TMX4: variants seen among roughly 807,000 people sequenced by gnomAD.
TMX4 encodes thioredoxin related transmembrane protein 4.
TMX4 carries 23 observed loss-of-function variants against 33.3 expected under a neutral mutation model. The ratio of observed to expected loss-of-function variants is 0.69; its 90% CI spans 0.50 to 0.98. The LOEUF (loss-of-function observed/expected upper bound fraction) is 0.98. Among genes scored for constraint, TMX4 ranks in the 50% least tolerant of loss-of-function variants. The pLI is 0.00. For synonymous variants in TMX4, 164 were observed against 161.5 expected (o/e 1.02, Z -0.12); for missense variants, 399 against 448.9 (o/e 0.89, Z 1.01).
chr20:8,008,056 C>T (rs574444740), intron 2 of TMX4, among the ~76,000 whole-genome samples: 7 of 152,302 alleles, frequency 4.6e-5, no homozygotes, highest in African/African-American at 7.2e-5. Flanking sequence ...GTTGAATAAA[C>T]ACGTTACTTC....
chr20:7,977,937 T>C lies in TMX4; in HGVS notation c.*4314A>G, dbSNP rs967541281. On this transcript the variant is annotated 3_prime_UTR_variant, in exon 8 of 8. Coordinates refer to ENST00000246024, the MANE Select transcript of TMX4 (RefSeq NM_021156.4). ...GGGCTTTTCAACTGAAGTTCTTACT[T>C]CCAGAAAGCTGTTCAAAAAGCTGCC... is the stretch of plus-strand genomic sequence containing the variant. The C allele has an allele frequency of 6.6e-6, 1 of 152,174 alleles. No individual in the cohort carries two copies. The highest frequency in any genetic ancestry group is 2.4e-5 in the African/African-American group (1 of 41,434). The allele number at this position is 152,174 out of a possible 1,614,324, so 9.4% of individuals were successfully genotyped here. A position where few individuals can be genotyped will look rare whatever the true frequency, so the allele number is the denominator to read the frequency against.
chr20:8,000,469 C>T (rs528943825), intron 3 of TMX4, among the ~76,000 whole-genome samples: 49 of 152,272 alleles, frequency 3.2e-4, no homozygotes, highest in African/African-American at 1.1e-3. Context: ...GTATCCATTT[C>T]TGTTTCCTTC....
At position 7,978,025 on chromosome 20, in the gene TMX4, TC is replaced by T. The variant is rs2050587829; in HGVS notation, c.*4225del. 3 of 152,124 alleles carry T rather than the reference TC, an allele frequency of 2.0e-5. No homozygotes were observed. In the East Asian group the frequency reaches 5.8e-4, roughly 29 times the overall value. 9.4% of individuals were successfully genotyped at this position (152,124 alleles called of 1,614,324 possible). ...CTTTTTAAGACAAGCTAAAATCTCC[TC>T]CAGAGAATCAAAATGTAGGACTGAG... On this transcript the variant is annotated 3_prime_UTR_variant, in exon 8 of 8. Transcript: ENST00000246024.
rs188240253 is a variant in TMX4 at position 8,005,493 on chromosome 20, G to A, written c.293-3952C>T. 2.5e-3 allele frequency among the ~76,000 whole-genome samples: 376 copies of A among 152,314 alleles called. 2 individuals carry two copies. Among genetic ancestry groups the A allele is most frequent in the African/African-American group, 8.2e-3 (343 of 41,576 alleles). On this transcript the variant is annotated intron_variant, in intron 2 of 7. Coordinates refer to ENST00000246024, the MANE Select transcript of TMX4 (RefSeq NM_021156.4). ...CTGGGAGGGGAAAGATGGGCCCCTG[G>A]AGAGGGCTCCACCCTCGGGGCTGTG...
At position 8,019,533 on chromosome 20, in the gene TMX4, G is replaced by A. The variant is rs762916638; in HGVS notation, c.81C>T (p.Pro27=). The A allele has an allele frequency of 6.7e-7, 1 of 1,482,110 alleles. No homozygotes were observed. Among genetic ancestry groups the A allele is most frequent in the South Asian group, 1.3e-5 (1 of 77,128 alleles). The allele number at this position is 1,482,110 out of a possible 1,614,324, so 91.8% of individuals were successfully genotyped here. ...WIAAVAATAG[P]EEAALPPEQS... ...GCTCCGGCGGCAGCGCGGCCTCCTC[G>A]GGGCCTGCCGTCGCCGCCACAGCCG... The change falls in exon 1 of 8, where the codon CCC becomes CCT. Residue 27 remains proline, a synonymous_variant. Coordinates refer to ENST00000246024, the MANE Select transcript of TMX4 (RefSeq NM_021156.4).
rs78018403 is a variant in TMX4, at chr20:7,998,349, A to G, written c.467+1383T>C. Among the ~76,000 whole-genome samples, 65 of 152,262 alleles carry G rather than the reference A, an allele frequency of 4.3e-4. 2 individuals carry two copies. The East Asian group carries it at 0.012, about 29-fold the overall frequency. Reference sequence around the variant, plus strand: ...TCAAACCAGAAACTTGTAAGTTTTTATTAATGAATCCTTCTTCTCCTTCAC... The same window carrying G: ...TCAAACCAGAAACTTGTAAGTTTTTGTTAATGAATCCTTCTTCTCCTTCAC... On this transcript the variant is annotated intron_variant, in intron 4 of 7. Coordinates refer to ENST00000246024, the MANE Select transcript of TMX4 (RefSeq NM_021156.4).
At position 7,977,897 on chromosome 20, in the gene TMX4, G is replaced by C. The variant is rs1377179470; in HGVS notation, c.*4354C>G. 1 of 152,178 alleles carries C rather than the reference G, an allele frequency of 6.6e-6. No homozygotes were observed. Among genetic ancestry groups the C allele is most frequent in the Non-Finnish European group, 1.5e-5 (1 of 68,024 alleles). The allele number at this position is 152,178 out of a possible 1,614,324, so 9.4% of individuals were successfully genotyped here. ...AAGCCATCTGAAGGGCATGTCCCGGGCTGAAGCGATCAAAGGGCTTTTCAA... is the reference window on the plus strand; with the variant it reads ...AAGCCATCTGAAGGGCATGTCCCGGCCTGAAGCGATCAAAGGGCTTTTCAA... On this transcript the variant is annotated 3_prime_UTR_variant, in exon 8 of 8. Coordinates refer to ENST00000246024, the MANE Select transcript of TMX4 (RefSeq NM_021156.4).
chr20:7,993,272 G>C (rs1446514401), intron 5 of TMX4, among the ~76,000 whole-genome samples: 1 of 151,986 alleles, frequency 6.6e-6, no homozygotes, highest in Non-Finnish European at 1.5e-5. Context: ...TCCATCCCTA[G>C]TCTATTTCTG....
intron 2 of TMX4, among the ~76,000 whole-genome samples, chr20:8,002,340 A>G (rs1019068652): frequency 6.6e-6 from 1 of 152,226 alleles, no homozygotes; most frequent in African/African-American, 2.4e-5. Flanking sequence ...ATAGTCTAGT[A>G]GCAGAAGGAA....
chr20:7,991,482 C>T (rs1402599594), intron 5 of TMX4, among the ~76,000 whole-genome samples: 2 of 152,112 alleles, frequency 1.3e-5, no homozygotes, highest in South Asian at 4.1e-4. Flanking sequence ...ATCCAAAAAT[C>T]GGAAATTCAA....
At chr20:8,019,386 G>C in intron 1 of TMX4, 52 bp downstream of exon 1, 2 of 1,494,246 alleles carry the variant, frequency 1.3e-6, no homozygotes, top group South Asian at 1.3e-5. Context: ...GGGCTTGGGA[G>C]GGTGACGCCC....
rs765484923 is a variant in TMX4, at chr20:7,999,773, T to C, written c.426A>G (p.Ser142=). ...QNYILEKKWQ[S]VEPLTGWKSP... is the part of the protein sequence containing the mutation. ...ATTTCCAGCCAGTCAGAGGCTCGAC[T>C]GATTGCCATTTCTTCTCTAAGATAT... is the stretch of plus-strand genomic sequence containing the variant. The change falls in exon 4 of 8, where the codon TCA becomes TCG. Residue 142 remains serine, a synonymous_variant. Coordinates refer to ENST00000246024, the MANE Select transcript of TMX4 (RefSeq NM_021156.4). 3.1e-6 allele frequency: 5 copies of C among 1,613,534 alleles called. 1 individual carries two copies. In the Admixed American group the frequency reaches 6.7e-5, roughly 22 times the overall value.
Position 8,006,932 on chromosome 20 carries a change from A to C in TMX4, c.292+3268T>G, listed in dbSNP as rs565832167. Among the ~76,000 whole-genome samples the C allele has an allele frequency of 2.0e-4, 30 of 151,978 alleles. 1 individual carries two copies. In the South Asian group the frequency reaches 3.1e-3, roughly 16 times the overall value. ...AGGCACCTGCCACCACACCCAGCTA[A>C]TTTTTTGTATTTTTAGTAGAGAAAA... is the stretch of plus-strand genomic sequence containing the variant. On this transcript the variant is annotated intron_variant, in intron 2 of 7. Coordinates refer to ENST00000246024, the MANE Select transcript of TMX4 (RefSeq NM_021156.4).
At chr20:7,992,975 C>G (rs2050661357) in intron 5 of TMX4, among the ~76,000 whole-genome samples, 1 of 152,214 alleles carries the variant, frequency 6.6e-6, no homozygotes. Context: ...GATCTCTAAG[C>G]ATTTTCCTAT....
chr20:8,015,534 A>T (rs1182373209), intron 1 of TMX4, among the ~76,000 whole-genome samples: 2 of 152,172 alleles, frequency 1.3e-5, no homozygotes, highest in Admixed American at 1.3e-4. Flanking sequence ...CTTATACTAC[A>T]TATTTCCTTC....
intron 5 of TMX4, among the ~76,000 whole-genome samples, chr20:7,990,419 T>G (rs979533540): frequency 5.3e-5 from 8 of 152,114 alleles, no homozygotes; most frequent in Non-Finnish European, 1.2e-4. Context: ...CATACATATT[T>G]GAGTGAGAAG....
chr20:7,979,400 T>C lies in TMX4; in HGVS notation c.*2851A>G, dbSNP rs2050595165. 1.3e-5 allele frequency: 2 copies of C among 152,188 alleles called. No individual in the cohort carries two copies. Among genetic ancestry groups the C allele is most frequent in the African/African-American group, 4.8e-5 (2 of 41,448 alleles). The allele number at this position is 152,188 out of a possible 1,614,324, so 9.4% of individuals were successfully genotyped here. A position where few individuals can be genotyped will look rare whatever the true frequency, so the allele number is the denominator to read the frequency against. On this transcript the variant is annotated 3_prime_UTR_variant, in exon 8 of 8. Coordinates refer to ENST00000246024, the MANE Select transcript of TMX4 (RefSeq NM_021156.4). ...AATGGGTCCTCTTCTCCAAGATGTT[T>C]TTCTCCTCACCCTTCAATTTTTTTT...
At chr20:8,011,488 C>A (rs1028964723) in intron 1 of TMX4, among the ~76,000 whole-genome samples, 2 of 150,978 alleles carry the variant, frequency 1.3e-5, no homozygotes, top group South Asian at 4.2e-4. Flanking sequence ...AAAAAAAAAT[C>A]AATGCAATGA....
In TMX4 at chr20:8,001,466, T is replaced by C. The variant is rs749972392; in HGVS notation, c.338+30A>G. On this transcript the variant is annotated intron_variant, in intron 3 of 7. Transcript: ENST00000246024. Reference sequence around the variant, plus strand: ...GTACACATCTATTGATTTCTAATATTTGCAAGATTAGAAGATTATTTAAAC... The same window carrying C: ...GTACACATCTATTGATTTCTAATATCTGCAAGATTAGAAGATTATTTAAAC... The C allele has an allele frequency of 3.8e-6, 6 of 1,569,884 alleles. No individual in the cohort carries two copies. In the African/African-American group the frequency reaches 5.4e-5, roughly 14 times the overall value.
Sources: gnomAD v4.1 joint callset for allele counts (sites outside exome capture counted in the v4.1 genomes callset) on GRCh38, gnomAD v4.1.1 for gene constraint, MANE v1.5 for transcripts, NCBI Gene and HGNC (gene_info 2026-07-23, HGNC 2026-07-21) for gene names.